ADGRB3: variants seen among roughly 807,000 people sequenced by gnomAD.
ADGRB3 encodes the protein adhesion G protein-coupled receptor B3.
A neutral mutation model predicts 193.4 loss-of-function variants in ADGRB3; 37 were observed. The ratio of observed to expected loss-of-function variants is 0.19; its 90% CI spans 0.15 to 0.25. ADGRB3 has a LOEUF of 0.25. Ranked by LOEUF, ADGRB3 falls within the 10% of genes least tolerant of loss-of-function variation. The pLI, the probability that ADGRB3 is intolerant of heterozygous loss-of-function variation, is 1.00. For synonymous variants in ADGRB3, 690 were observed against 644.2 expected, an observed-to-expected ratio of 1.07 and a Z score of -1.08; for missense variants, 1,637 against 1,852.9, an observed-to-expected ratio of 0.88 and a Z score of 2.14.
chr6:68,981,848 AT>A (rs1473501449), intron 10 of ADGRB3, among the ~76,000 whole-genome samples: 1 of 74,956 alleles, frequency 1.3e-5, no homozygotes, highest in African/African-American at 1.5e-4. Flanking sequence ...CTATTTTGTT[AT>A]TTATTTATTT....
intron 3 of ADGRB3, among the ~76,000 whole-genome samples, chr6:68,865,320 T>G (rs571479624): frequency 6.6e-6 from 1 of 152,152 alleles, no homozygotes; most frequent in Non-Finnish European, 1.5e-5. Context: ...AAATTACATT[T>G]TCTCTTTTTT....
chr6:68,739,542 G>A (rs997069147), intron 3 of ADGRB3, among the ~76,000 whole-genome samples: 2 of 152,102 alleles, frequency 1.3e-5, no homozygotes, highest in Non-Finnish European at 2.9e-5. Flanking sequence ...AGAGTGCACA[G>A]GTCTAGATGC....
At chr6:68,834,592 T>A (rs1177651695) in intron 3 of ADGRB3, among the ~76,000 whole-genome samples, 4 of 152,140 alleles carry the variant, frequency 2.6e-5, no homozygotes, top group African/African-American at 9.6e-5. Context: ...GGATCAGAAA[T>A]CTAGAAGATT....
In ADGRB3 at chr6:69,252,407, T is replaced by C. The variant is rs1766642777; in HGVS notation, c.2814+13181T>C. On this transcript the variant is annotated intron_variant, in intron 20 of 31. Coordinates refer to ENST00000370598, the MANE Select transcript of ADGRB3 (RefSeq NM_001704.3). ...TATGGACATGTATTTTCATTTCTTC[T>C]GGGAAAGAAGCTAGGAGTAAAATTG... Among the ~76,000 whole-genome samples the C allele has an allele frequency of 3.3e-5, 5 of 152,240 alleles. No homozygotes were observed. In the South Asian group the frequency reaches 6.2e-4, roughly 19 times the overall value.
chr6:69,214,323 T>TA (rs1204156822), intron 17 of ADGRB3, among the ~76,000 whole-genome samples: 1 of 152,140 alleles, frequency 6.6e-6, no homozygotes, highest in African/African-American at 2.4e-5. Context: ...AGGTACCTGA[T>TA]ATGGCTTTTC....
intron 6 of ADGRB3, among the ~76,000 whole-genome samples, chr6:68,946,239 T>A (rs771921890): frequency 9.9e-5 from 15 of 152,142 alleles, no homozygotes; most frequent in Non-Finnish European, 2.1e-4. Context: ...GACGTTATGA[T>A]TTTAAAATAT....
chr6:68,648,987 C>T (rs1164155726), intron 3 of ADGRB3, among the ~76,000 whole-genome samples: 1 of 151,850 alleles, frequency 6.6e-6, no homozygotes, highest in Non-Finnish European at 1.5e-5. Flanking sequence ...TTGCAAAGTT[C>T]TATTGCACAT....
chr6:68,983,140 A>C (rs185850646), intron 10 of ADGRB3, among the ~76,000 whole-genome samples: 89 of 152,250 alleles, frequency 5.8e-4, no homozygotes, highest in African/African-American at 1.9e-3. Flanking sequence ...AATAATCTTT[A>C]GTCACATATG....
At chr6:68,903,431 A>C (rs999102104) in intron 3 of ADGRB3, among the ~76,000 whole-genome samples, 2 of 152,182 alleles carry the variant, frequency 1.3e-5, no homozygotes, top group East Asian at 3.9e-4. Context: ...CTTAACCAAC[A>C]CATATTTATT....
chr6:69,126,230 C>T (rs879475057), intron 17 of ADGRB3, among the ~76,000 whole-genome samples: 2,257 of 128,758 alleles, frequency 0.018, 43 homozygotes, highest in Admixed American at 0.069. Flanking sequence ...TAAATAGATA[C>T]ACACATACAT....
intron 17 of ADGRB3, among the ~76,000 whole-genome samples, chr6:69,195,364 A>G (rs1315478852): frequency 1.3e-5 from 2 of 151,858 alleles, no homozygotes; most frequent in African/African-American, 2.4e-5. Flanking sequence ...CCCTATTTCT[A>G]CAAAAAATAA....
At chr6:69,114,011 C>A (rs1322828117) in intron 17 of ADGRB3, among the ~76,000 whole-genome samples, 1 of 152,060 alleles carries the variant, frequency 6.6e-6, no homozygotes, top group Non-Finnish European at 1.5e-5. Context: ...TTTTGGTGCC[C>A]AGGACAATGA....
intron 8 of ADGRB3, among the ~76,000 whole-genome samples, chr6:68,960,673 C>A (rs143070788): frequency 1.3e-4 from 20 of 152,148 alleles, no homozygotes; most frequent in African/African-American, 4.3e-4. Context: ...CAAAGCTTGC[C>A]TACTTTGCAC....
Position 68,875,022 on chromosome 6 carries a change from A to ACTTT in ADGRB3, c.758-55523_758-55520dup, listed in dbSNP as rs998726319. Reference sequence around the variant, plus strand: ...CAGTTTGGGTAAAAATGAAGCATTTACTTTCTTTCTTTCTTTCCTCCTTCC... The same window carrying ACTTT: ...CAGTTTGGGTAAAAATGAAGCATTTACTTTCTTTCTTTCTTTCTTTCCTCCTTCC... On this transcript the variant is annotated intron_variant, in intron 3 of 31. Coordinates refer to ENST00000370598, the MANE Select transcript of ADGRB3 (RefSeq NM_001704.3). Among the ~76,000 whole-genome samples the ACTTT allele has an allele frequency of 4.4e-4, 60 of 137,912 alleles. 1 individual carries two copies. The highest frequency in any genetic ancestry group is 1.4e-3 in the African/African-American group (55 of 39,932). 90.5% of individuals were successfully genotyped at this position (137,912 alleles called of 152,430 possible). A position where few individuals can be genotyped will look rare whatever the true frequency, so the allele number is the denominator to read the frequency against.
intron 3 of ADGRB3, among the ~76,000 whole-genome samples, chr6:68,860,578 A>G (rs1044799982): frequency 2.0e-5 from 3 of 152,198 alleles, no homozygotes; most frequent in Non-Finnish European, 2.9e-5. Flanking sequence ...ATTCTTTTTT[A>G]TGGCTACATA....
intron 3 of ADGRB3, among the ~76,000 whole-genome samples, chr6:68,811,235 C>T (rs1767506993): frequency 6.6e-6 from 1 of 152,030 alleles, no homozygotes; most frequent in South Asian, 2.1e-4. Flanking sequence ...CAGTTTTTAT[C>T]ATTATGGTAA....
rs189738806 is a variant in ADGRB3 at position 69,198,156 on chromosome 6, T to A, written c.2481-35134T>A. ...CATCTGATATAATAAAAATTATTCA[T>A]TTGTTTTTGTCAGTCTTCCATACTA... is the stretch of plus-strand genomic sequence containing the variant. On this transcript the variant is annotated intron_variant, in intron 17 of 31. Transcript: ENST00000370598. 4.8e-4 allele frequency among the ~76,000 whole-genome samples: 73 copies of A among 152,204 alleles called. No individual in the cohort carries two copies. In the East Asian group the frequency reaches 9.3e-3, roughly 19 times the overall value.
intron 20 of ADGRB3, among the ~76,000 whole-genome samples, chr6:69,320,626 G>T (rs1263523818): frequency 6.6e-6 from 1 of 151,606 alleles, no homozygotes; most frequent in Non-Finnish European, 1.5e-5. Flanking sequence ...TATCTTCAAA[G>T]TTACTTTCTC....
intron 17 of ADGRB3, among the ~76,000 whole-genome samples, chr6:69,186,368 C>T (rs1765067646): frequency 6.6e-6 from 1 of 151,898 alleles, no homozygotes; most frequent in Admixed American, 6.6e-5. Context: ...GCAGCATTGA[C>T]TTTTTTCCCA....
Sources: gnomAD v4.1 joint callset for allele counts (sites outside exome capture counted in the v4.1 genomes callset) on GRCh38, gnomAD v4.1.1 for gene constraint, MANE v1.5 for transcripts, NCBI Gene and HGNC (gene_info 2026-07-23, HGNC 2026-07-21) for gene names.